RALGAPA2: variants seen among roughly 807,000 people sequenced by gnomAD.
The protein encoded by RALGAPA2 is Ral GTPase activating protein catalytic subunit alpha 2.
Under a neutral mutation model 230.4 loss-of-function variants are expected in RALGAPA2, and 139 were observed. That is an observed-to-expected ratio of 0.60 (90% CI 0.53 to 0.69). RALGAPA2 has a LOEUF of 0.69. Ranked by LOEUF, RALGAPA2 falls within the 30% of genes least tolerant of loss-of-function variation. The pLI is 0.00. For missense variants in RALGAPA2, 2,163 were observed against 2,276.0 expected (o/e 0.95, Z 1.01); for synonymous variants, 847 against 837.8 (o/e 1.01, Z -0.19).
At chr20:20,542,974 A>T (rs2063688350) in intron 24 of RALGAPA2, among the ~76,000 whole-genome samples, 2 of 152,216 alleles carry the variant, frequency 1.3e-5, no homozygotes, top group Non-Finnish European at 2.9e-5. Flanking sequence ...TGAACAGGCA[A>T]CCTACAGAAA....
intron 12 of RALGAPA2, among the ~76,000 whole-genome samples, chr20:20,616,720 A>C (rs1205327176): frequency 6.6e-6 from 1 of 152,196 alleles, no homozygotes; most frequent in Non-Finnish European, 1.5e-5. Flanking sequence ...AGGAGCTGTG[A>C]TGTGTCCAGA....
intron 9 of RALGAPA2, among the ~76,000 whole-genome samples, chr20:20,634,314 T>C (rs1468835732): frequency 6.6e-6 from 1 of 152,220 alleles, no homozygotes; most frequent in Non-Finnish European, 1.5e-5. Flanking sequence ...TGGGATCTTT[T>C]TTCAGAAAAC....
chr20:20,412,334 A>G (rs1038241778), intron 37 of RALGAPA2, among the ~76,000 whole-genome samples, 186 bp from the exon 38 acceptor site: 1 of 152,238 alleles, frequency 6.6e-6, no homozygotes, highest in Non-Finnish European at 1.5e-5. Context: ...TTGAGACCTA[A>G]GTTTCTCTTA....
chr20:20,539,190 T>C (rs2063575626), intron 24 of RALGAPA2, among the ~76,000 whole-genome samples: 1 of 152,146 alleles, frequency 6.6e-6, no homozygotes, highest in African/African-American at 2.4e-5. Context: ...GAGCCATCTG[T>C]GCATCTTCCT....
At position 20,629,565 on chromosome 20, in the gene RALGAPA2, T is replaced by A. The variant is rs747646948; in HGVS notation, c.1031A>T (p.Glu344Val). 2.5e-6 allele frequency: 4 copies of A among 1,613,502 alleles called. No homozygotes were observed. The South Asian group carries it at 4.4e-5, about 18-fold the overall frequency. Reference protein sequence around the residue: ...IQTVGGGAVQERAPELDGGGP... With the variant: ...IQTVGGGAVQVRAPELDGGGP... ...ACCACCATCCAGCTCAGGCGCTCTCTCCTGCACAGCACCACCACCAACAGT... is the reference window on the plus strand; with the variant it reads ...ACCACCATCCAGCTCAGGCGCTCTCACCTGCACAGCACCACCACCAACAGT... The change falls in exon 10 of 40, where the codon GAG becomes GTG. Residue 344 changes from glutamate (E) to valine (V), a missense_variant. Glu to Val is a moderately radical substitution (Grantham distance 121, BLOSUM62 -2). Coordinates refer to ENST00000202677, the MANE Select transcript of RALGAPA2 (RefSeq NM_020343.4).
At chr20:20,421,888 T>C (rs991512981) in intron 37 of RALGAPA2, among the ~76,000 whole-genome samples, 1 of 152,200 alleles carries the variant, frequency 6.6e-6, no homozygotes, top group Non-Finnish European at 1.5e-5. Flanking sequence ...CCCCCTTGCC[T>C]GCAAACTGAT....
At position 20,390,948 on chromosome 20, in the gene RALGAPA2, G is replaced by A. The variant is rs1003384685; in HGVS notation, c.*2341C>T. On this transcript the variant is annotated 3_prime_UTR_variant, in exon 40 of 40. Coordinates refer to ENST00000202677, the MANE Select transcript of RALGAPA2 (RefSeq NM_020343.4). The stretch of plus-strand genomic sequence containing the variant: ...GTTGAGTTATTTGCTGCCTACAATT[G>A]AATTTCCCACCCCAAGGTAGGGATC... 2.6e-5 allele frequency: 4 copies of A among 152,194 alleles called. No individual in the cohort carries two copies. The highest frequency in any genetic ancestry group is 5.9e-5 in the Non-Finnish European group (4 of 68,044). 9.4% of individuals were successfully genotyped at this position (152,194 alleles called of 1,614,324 possible). A position where few individuals can be genotyped will look rare whatever the true frequency, so the allele number is the denominator to read the frequency against.
chr20:20,530,872 G>A (rs575420121), intron 27 of RALGAPA2, among the ~76,000 whole-genome samples: 6 of 152,128 alleles, frequency 3.9e-5, no homozygotes, highest in African/African-American at 9.7e-5. Context: ...TCAGCACAGC[G>A]CCTGGCAGAG....
At chr20:20,535,699 T>C (rs1420112203) in intron 26 of RALGAPA2, 46 bp downstream of exon 26, 3 of 1,530,670 alleles carry the variant, frequency 2.0e-6, no homozygotes, top group Non-Finnish European at 2.6e-6. Flanking sequence ...CACATAAATG[T>C]GTATCTTAAA....
At chr20:20,458,212 T>C (rs1007534895) in intron 37 of RALGAPA2, among the ~76,000 whole-genome samples, 1 of 152,026 alleles carries the variant, frequency 6.6e-6, no homozygotes, top group East Asian at 1.9e-4. Context: ...AAGCCTTCAA[T>C]TGAGATGTTG....
chr20:20,441,710 G>A (rs573038350), intron 37 of RALGAPA2, among the ~76,000 whole-genome samples: 26 of 152,320 alleles, frequency 1.7e-4, no homozygotes, highest in African/African-American at 5.8e-4. Flanking sequence ...TGGAAGAAAT[G>A]TAAGAAAAAC....
intron 37 of RALGAPA2, among the ~76,000 whole-genome samples, chr20:20,430,191 T>C (rs2060472869): frequency 6.6e-6 from 1 of 152,256 alleles, no homozygotes; most frequent in Admixed American, 6.5e-5. Flanking sequence ...CAGCAGCAGC[T>C]GCTGGACCTA....
rs147938127 is a variant in RALGAPA2, at chr20:20,470,174, G to A, written c.5495+2655C>T. Among the ~76,000 whole-genome samples the A allele has an allele frequency of 3.9e-4, 60 of 152,194 alleles. No homozygotes were observed. In the East Asian group the frequency reaches 0.011, roughly 27 times the overall value. On this transcript the variant is annotated intron_variant, in intron 37 of 39. Coordinates refer to ENST00000202677, the MANE Select transcript of RALGAPA2 (RefSeq NM_020343.4). Reference sequence around the variant, plus strand: ...AACTGCTTTGATATTGATTCTAACTGCATTTACTTCTCAAAAAGACCCCCA... The same window carrying A: ...AACTGCTTTGATATTGATTCTAACTACATTTACTTCTCAAAAAGACCCCCA...
intron 31 of RALGAPA2, among the ~76,000 whole-genome samples, chr20:20,517,318 C>T (rs2062902989): frequency 6.6e-6 from 1 of 152,206 alleles, no homozygotes; most frequent in Non-Finnish European, 1.5e-5. Flanking sequence ...AACTTTCTTG[C>T]TGGCCTGACA....
At position 20,677,368 on chromosome 20, in the gene RALGAPA2, T is replaced by C. The variant is rs138834039; in HGVS notation, c.218-1080A>G. On this transcript the variant is annotated intron_variant, in intron 2 of 39. Transcript: ENST00000202677. The stretch of plus-strand genomic sequence containing the variant: ...AATGTGGGGGTTTGGAAGCAAGCCA[T>C]ACGGAAATTTAGGGGAGGTGTATTC... Among the ~76,000 whole-genome samples the C allele has an allele frequency of 3.0e-4, 46 of 152,246 alleles. 1 individual carries two copies. The East Asian group carries it at 8.7e-3, about 29-fold the overall frequency.
intron 23 of RALGAPA2, among the ~76,000 whole-genome samples, chr20:20,559,730 A>G (rs1164372073): frequency 2.0e-5 from 3 of 152,078 alleles, no homozygotes; most frequent in Non-Finnish European, 2.9e-5. Context: ...TAGGAGGAGG[A>G]GGGCTTTAAA....
At position 20,536,778 on chromosome 20, in the gene RALGAPA2, G is replaced by A. The variant is rs753542623; in HGVS notation, c.3292C>T (p.Arg1098Cys). 3.0e-5 allele frequency: 49 copies of A among 1,611,354 alleles called. No homozygotes were observed. The highest frequency in any genetic ancestry group is 4.0e-5 in the Non-Finnish European group (47 of 1,178,252). ...VLSTDILTAP[R>C]SEAVTVLGSL... Reference sequence around the variant, plus strand: ...CCGAGGACAGTGACAGCCTCTGAACGAGGCGCCTGCACATAAGGAAGAGGA... The same window carrying A: ...CCGAGGACAGTGACAGCCTCTGAACAAGGCGCCTGCACATAAGGAAGAGGA... Residue 1098 changes from arginine (R) to cysteine (C), a missense_variant, in exon 25 of 40, where the codon CGT (arginine) becomes TGT (cysteine). By Grantham distance (180) the Arg-to-Cys change is radical. Coordinates refer to ENST00000202677, the MANE Select transcript of RALGAPA2 (RefSeq NM_020343.4).
intron 33 of RALGAPA2, among the ~76,000 whole-genome samples, chr20:20,506,239 A>G (rs1244075514): frequency 6.6e-6 from 1 of 152,114 alleles, no homozygotes; most frequent in Non-Finnish European, 1.5e-5. Context: ...TCTGGTATCA[A>G]ATCAAGCAAA....
chr20:20,433,430 G>T (rs867129533), intron 37 of RALGAPA2, among the ~76,000 whole-genome samples: 4 of 152,184 alleles, frequency 2.6e-5, no homozygotes, highest in Admixed American at 2.0e-4. Flanking sequence ...GGGCTGAGGG[G>T]ATTTGGAGAA....
Sources: gnomAD v4.1 joint callset for allele counts (sites outside exome capture counted in the v4.1 genomes callset) on GRCh38, gnomAD v4.1.1 for gene constraint, MANE v1.5 for transcripts, NCBI Gene and HGNC (gene_info 2026-07-23, HGNC 2026-07-21) for gene names.